The following LAMA2 variants were observed in gnomAD, a reference collection of about 807,000 sequenced individuals.
The protein encoded by LAMA2 is laminin subunit alpha-2.
Under a neutral mutation model 364.8 loss-of-function variants are expected in LAMA2, and 269 were observed. The ratio of observed to expected loss-of-function variants is 0.74; its 90% CI spans 0.67 to 0.82. The LOEUF is 0.82. Among genes scored for constraint, LAMA2 ranks in the 40% least tolerant of loss-of-function variants. LAMA2 has a pLI of 0.00. For synonymous variants in LAMA2, 1,379 were observed against 1,370.6 expected, an observed-to-expected ratio of 1.01 and a Z score of -0.14; for missense variants, 3,807 against 3,873.2, an observed-to-expected ratio of 0.98 and a Z score of 0.45.
chr6:129,468,140 C>T (rs995991996), intron 51 of LAMA2, among the ~76,000 whole-genome samples: 2 of 151,800 alleles, frequency 1.3e-5, no homozygotes, highest in African/African-American at 4.8e-5. Context: ...AGCAGTCATT[C>T]TCACTTTTAT....
intron 33 of LAMA2, among the ~76,000 whole-genome samples, chr6:129,367,263 C>T (rs537838056): frequency 1.3e-5 from 2 of 152,170 alleles, no homozygotes; most frequent in African/African-American, 2.4e-5. Flanking sequence ...AGTCAATTAT[C>T]AGATATTTAT....
At chr6:129,112,075 C>A (rs1776192887) in intron 4 of LAMA2, among the ~76,000 whole-genome samples, 1 of 151,866 alleles carries the variant, frequency 6.6e-6, no homozygotes, top group Non-Finnish European at 1.5e-5. Flanking sequence ...ACAGTTGACA[C>A]CTTTTAGGGG....
chr6:129,148,657 T>C (rs923713297), intron 6 of LAMA2, among the ~76,000 whole-genome samples: 2 of 151,930 alleles, frequency 1.3e-5, no homozygotes, highest in African/African-American at 4.8e-5. Context: ...TAAAACAAGC[T>C]AATCGACCCC....
At chr6:129,096,865 T>C (rs1281477770) in intron 3 of LAMA2, among the ~76,000 whole-genome samples, 2 of 152,234 alleles carry the variant, frequency 1.3e-5, no homozygotes, top group South Asian at 4.1e-4. Flanking sequence ...CTTGAAGGAA[T>C]AGCATCAGAG....
intron 35 of LAMA2, among the ~76,000 whole-genome samples, chr6:129,390,261 G>C (rs1212139806): frequency 6.6e-6 from 1 of 151,998 alleles, no homozygotes; most frequent in South Asian, 2.1e-4. Context: ...TAGGTTTGTG[G>C]CAGGGCCTGA....
chr6:128,904,564 C>G (rs1437158633), intron 1 of LAMA2, among the ~76,000 whole-genome samples: 3 of 151,110 alleles, frequency 2.0e-5, no homozygotes, highest in African/African-American at 7.3e-5. Flanking sequence ...AAGTGATTCT[C>G]CTGCCTCAGC....
chr6:129,061,842 A>G (rs1365226671), intron 3 of LAMA2, among the ~76,000 whole-genome samples: 3 of 152,192 alleles, frequency 2.0e-5, no homozygotes, highest in African/African-American at 7.2e-5. Context: ...ATGTGTTCAA[A>G]TTGTCCCATA....
At chr6:128,979,320 C>T (rs756332866) in intron 1 of LAMA2, among the ~76,000 whole-genome samples, 4 of 152,110 alleles carry the variant, frequency 2.6e-5, no homozygotes, top group East Asian at 3.9e-4. Flanking sequence ...TCCGTTTGAA[C>T]TAGTGCAGGG....
At chr6:128,888,132 G>A (rs1276826586) in intron 1 of LAMA2, among the ~76,000 whole-genome samples, 2 of 152,170 alleles carry the variant, frequency 1.3e-5, no homozygotes, top group Non-Finnish European at 1.5e-5. Context: ...TTCAGTAAAT[G>A]AGAAAACAAG....
chr6:129,502,596 C>T, intron 58 of LAMA2, 63 bp from the exon 59 acceptor site: 1 of 982,314 alleles, frequency 1.0e-6, no homozygotes, highest in African/African-American at 1.6e-5. Flanking sequence ...AATTAGACAG[C>T]ATCATTACCT....
chr6:129,148,832 C>T, intron 6 of LAMA2, 147 bp from the exon 7 acceptor site: 1 of 751,342 alleles, frequency 1.3e-6, no homozygotes. Context: ...TCAAGCCTGG[C>T]ACCACTTTCT....
intron 1 of LAMA2, among the ~76,000 whole-genome samples, chr6:129,030,551 T>G (rs186605497): frequency 7.0e-4 from 107 of 152,310 alleles, no homozygotes; most frequent in Non-Finnish European, 1.2e-3. Context: ...TATTATAGCT[T>G]TGTTGGAAGA....
chr6:129,178,617 A>G (rs1036938253), intron 10 of LAMA2, among the ~76,000 whole-genome samples: 6 of 152,178 alleles, frequency 3.9e-5, no homozygotes, highest in Admixed American at 1.3e-4. Context: ...TCTTTGAAAA[A>G]GTTAGCATAC....
At chr6:129,018,175 C>T (rs1222361120) in intron 1 of LAMA2, among the ~76,000 whole-genome samples, 3 of 151,738 alleles carry the variant, frequency 2.0e-5, no homozygotes, top group African/African-American at 7.3e-5. Context: ...ATAATAGTTT[C>T]AGGCTAAATA....
At chr6:128,921,153 G>T (rs763604925) in intron 1 of LAMA2, among the ~76,000 whole-genome samples, 5 of 152,108 alleles carry the variant, frequency 3.3e-5, no homozygotes, top group Non-Finnish European at 7.4e-5. Context: ...GTTTAAATTT[G>T]AGTAAGTATT....
At chr6:129,503,703 A>C (rs961832537) in intron 60 of LAMA2, among the ~76,000 whole-genome samples, 1 of 152,230 alleles carries the variant, frequency 6.6e-6, no homozygotes, top group Non-Finnish European at 1.5e-5. Flanking sequence ...TCTATTATGA[A>C]ATAGTATTTG....
chr6:128,983,341 G>A (rs9321143), intron 1 of LAMA2, among the ~76,000 whole-genome samples: 144,344 of 152,072 alleles, frequency 0.95, 68,608 homozygotes, highest in East Asian at 0.97. Flanking sequence ...TGTGGTTTTG[G>A]TTTGCATTTC....
intron 58 of LAMA2, among the ~76,000 whole-genome samples, chr6:129,500,854 A>AGTT (rs771921618): frequency 3.9e-5 from 6 of 152,310 alleles, no homozygotes; most frequent in South Asian, 2.1e-4. Flanking sequence ...TTAATAGAGA[A>AGTT]GTTATATTGA....
chr6:129,375,785 T>G (rs1778338348), intron 34 of LAMA2, among the ~76,000 whole-genome samples: 1 of 152,210 alleles, frequency 6.6e-6, no homozygotes, highest in Admixed American at 6.5e-5. Flanking sequence ...ATTCTCATGC[T>G]TTGGTCCTAT....
Sources: allele counts gnomAD v4.1 joint callset (sites outside exome capture counted in the v4.1 genomes callset), GRCh38; gene constraint gnomAD v4.1.1; transcripts MANE v1.5; gene names NCBI Gene and HGNC (gene_info 2026-07-23, HGNC 2026-07-21).